GRIN2A: variants seen among roughly 807,000 people sequenced by gnomAD.
GRIN2A encodes the protein glutamate receptor ionotropic, NMDA 2A.
In GRIN2A, 22 loss-of-function variants were observed where a neutral mutation model predicts 113.4. The observed-to-expected ratio is 0.19, with a 90% CI of 0.14 to 0.28. GRIN2A has a LOEUF of 0.28. Ranked by LOEUF, GRIN2A falls within the 10% of genes least tolerant of loss-of-function variation. The pLI, the probability that GRIN2A is intolerant of heterozygous loss-of-function variation, is 1.00. For synonymous variants in GRIN2A, 827 were observed against 738.4 expected (o/e 1.12, Z -1.94); for missense variants, 1,502 against 1,887.0 (o/e 0.80, Z 3.78).
chr16:9,826,446 A>G (rs1343318198), intron 9 of GRIN2A, among the ~76,000 whole-genome samples: 1 of 147,688 alleles, frequency 6.8e-6, no homozygotes, highest in Non-Finnish European at 1.5e-5. Flanking sequence ...GGGCTCCAAT[A>G]TGATTATTTC....
At chr16:10,070,036 T>C (rs148802756) in intron 2 of GRIN2A, among the ~76,000 whole-genome samples, 66 of 152,288 alleles carry the variant, frequency 4.3e-4, no homozygotes, top group South Asian at 1.5e-3. Flanking sequence ...TCAATGACAA[T>C]GTTCCCCACT....
chr16:9,871,853 C>T (rs114842321), intron 4 of GRIN2A, among the ~76,000 whole-genome samples: 1,817 of 152,254 alleles, frequency 0.012, 30 homozygotes, highest in African/African-American at 0.041. Flanking sequence ...CTATCTCCCA[C>T]AGCATGGCAC....
At chr16:9,954,295 T>A (rs1218002070) in intron 2 of GRIN2A, among the ~76,000 whole-genome samples, 2 of 152,200 alleles carry the variant, frequency 1.3e-5, no homozygotes, top group Non-Finnish European at 2.9e-5. Flanking sequence ...TCTAAGTGTG[T>A]CTTGTTCCCC....
intron 2 of GRIN2A, among the ~76,000 whole-genome samples, chr16:10,101,775 A>G (rs2048402924): frequency 6.6e-6 from 1 of 152,214 alleles, no homozygotes; most frequent in Non-Finnish European, 1.5e-5. Context: ...GAGAAAAAGC[A>G]TCCCTCACAC....
At chr16:9,837,391 G>C (rs1371783272) in intron 7 of GRIN2A, among the ~76,000 whole-genome samples, 1 of 151,932 alleles carries the variant, frequency 6.6e-6, no homozygotes, top group African/African-American at 2.4e-5. Flanking sequence ...CATTTTTATG[G>C]AAATGTTTTA....
At chr16:9,866,577 C>T (rs7186044) in intron 4 of GRIN2A, among the ~76,000 whole-genome samples, 171 of 152,254 alleles carry the variant, frequency 1.1e-3, no homozygotes, top group African/African-American at 3.9e-3. Context: ...GGCAATTGGC[C>T]TTGGGAAATC....
chr16:9,889,605 AT>A (rs1405005799), intron 4 of GRIN2A, among the ~76,000 whole-genome samples: 1 of 152,100 alleles, frequency 6.6e-6, no homozygotes, highest in East Asian at 1.9e-4. Context: ...AAAGCTATGA[AT>A]TTCTTAGTGT....
Position 9,764,353 on chromosome 16 carries a change from G to C in GRIN2A, c.3191C>G (p.Thr1064Arg), listed in dbSNP as rs756930722. Residue 1064 changes from threonine (T) to arginine (R), a missense_variant, in exon 13 of 13, where the codon ACG (threonine) becomes AGG (arginine). Physicochemically the swap from Thr to Arg is moderately conservative, Grantham distance 71. Coordinates refer to ENST00000330684, the MANE Select transcript of GRIN2A (RefSeq NM_001134407.3). The part of the protein sequence containing the change: ...EEMAHSDISE[T>R]SNRATCHREP... ...CCTGTGGCACGTGGCCCGATTTGAC[G>C]TTTCTGAAATGTCAGAGTGGGCCAT... is the stretch of plus-strand genomic sequence containing the variant. The C allele has an allele frequency of 2.5e-6, 4 of 1,614,074 alleles. No individual in the cohort carries two copies. The highest frequency in any genetic ancestry group is 3.4e-6 in the Non-Finnish European group (4 of 1,179,984).
intron 4 of GRIN2A, among the ~76,000 whole-genome samples, chr16:9,886,585 C>T (rs1312272324): frequency 6.6e-6 from 1 of 152,130 alleles, no homozygotes; most frequent in African/African-American, 2.4e-5. Context: ...CATATACACA[C>T]TAAGATCTAA....
intron 2 of GRIN2A, among the ~76,000 whole-genome samples, chr16:10,090,196 A>C (rs1406140223): frequency 2.6e-5 from 4 of 152,104 alleles, no homozygotes; most frequent in East Asian, 1.9e-4. Flanking sequence ...CCCAAGAGGG[A>C]GGGGTTTCCA....
At chr16:9,789,576 A>G (rs1279219492) in intron 11 of GRIN2A, among the ~76,000 whole-genome samples, 1 of 151,404 alleles carries the variant, frequency 6.6e-6, no homozygotes, top group Non-Finnish European at 1.5e-5. Context: ...ACACACACAC[A>G]CACACACACA....
At position 9,808,399 on chromosome 16, in the gene GRIN2A, C is replaced by T. The variant is rs528242656; in HGVS notation, c.2169-9935G>A. On this transcript the variant is annotated intron_variant, in intron 10 of 12. Coordinates refer to ENST00000330684, the MANE Select transcript of GRIN2A (RefSeq NM_001134407.3). ...CACCCCATCATACTGTTAGTAGTGA[C>T]GACATCACGGAACTTGTCACACAGG... Among the ~76,000 whole-genome samples, 9 of 152,176 alleles carry T rather than the reference C, an allele frequency of 5.9e-5. No individual in the cohort carries two copies. In the East Asian group the frequency reaches 7.7e-4, roughly 13 times the overall value.
intron 2 of GRIN2A, among the ~76,000 whole-genome samples, chr16:10,025,891 A>T (rs2046810559): frequency 6.6e-6 from 1 of 152,160 alleles, no homozygotes; most frequent in Non-Finnish European, 1.5e-5. Flanking sequence ...TATGTATCCG[A>T]GGCAGTGGAA....
At chr16:9,797,457 G>A (rs1356172691) in intron 11 of GRIN2A, among the ~76,000 whole-genome samples, 2 of 152,224 alleles carry the variant, frequency 1.3e-5, no homozygotes, top group African/African-American at 2.4e-5. Flanking sequence ...GCAGACAGGA[G>A]GAAATGCTTC....
chr16:10,098,072 G>T (rs558365093), intron 2 of GRIN2A, among the ~76,000 whole-genome samples: 109 of 151,894 alleles, frequency 7.2e-4, no homozygotes, highest in African/African-American at 2.6e-3. Context: ...AATCTACAAG[G>T]AACTCAAACA....
At chr16:9,931,084 AAG>A in intron 3 of GRIN2A, among the ~76,000 whole-genome samples, 2 of 152,314 alleles carry the variant, frequency 1.3e-5, no homozygotes, top group Middle Eastern at 3.4e-3. Context: ...CTCCTGGGAT[AAG>A]ACTTTTTTTG....
chr16:10,109,633 A>AC (rs1342295050), intron 2 of GRIN2A, among the ~76,000 whole-genome samples: 11 of 96,738 alleles, frequency 1.1e-4, no homozygotes, highest in Non-Finnish European at 2.7e-4. Context: ...ACCAGATTAC[A>AC]AAAAAAAAAA....
intron 11 of GRIN2A, among the ~76,000 whole-genome samples, chr16:9,779,912 A>T (rs184547434): frequency 5.7e-4 from 87 of 152,328 alleles, no homozygotes; most frequent in African/African-American, 2.0e-3. Context: ...TAAGTGGGGC[A>T]GACTCCACAG....
rs1045565941 is a variant in GRIN2A at position 9,937,859 on chromosome 16, A to AT, written c.1007+99dup. 3.1e-5 allele frequency: 26 copies of AT among 826,666 alleles called. No individual in the cohort carries two copies. The African/African-American group carries it at 4.2e-4, about 13-fold the overall frequency. The allele number at this position is 826,666 out of a possible 1,614,324, so 51.2% of individuals were successfully genotyped here. On this transcript the variant is annotated intron_variant, in intron 3 of 12. Transcript: ENST00000330684. ...CGTAAGTAAACACATAACATTCTGC[A>AT]TTTTCAGTGCGTATTTCCAACAATG...
Sources: allele counts gnomAD v4.1 joint callset (sites outside exome capture counted in the v4.1 genomes callset), GRCh38; gene constraint gnomAD v4.1.1; transcripts MANE v1.5; gene names NCBI Gene and HGNC (gene_info 2026-07-23, HGNC 2026-07-21).